Variants in YDJC observed in about 807,000 individuals in gnomAD.
The protein encoded by YDJC is carbohydrate deacetylase.
A neutral mutation model predicts 18.9 loss-of-function variants in YDJC; 23 were observed. That is an observed-to-expected ratio of 1.22 (90% CI 0.87 to 1.72). The LOEUF is 1.72. YDJC is among the 40% of genes most tolerant of loss of function. The pLI is 0.00. For missense variants in YDJC, 467 were observed against 470.8 expected, an observed-to-expected ratio of 0.99 and a Z score of 0.07; for synonymous variants, 224 against 217.6, an observed-to-expected ratio of 1.03 and a Z score of -0.26.
chr22:21,629,112 A>G lies in YDJC; in HGVS notation c.500T>C (p.Val167Ala), dbSNP rs1416545735. Reference protein sequence around the residue: ...RFTRLPLERGVGGCTWLEAPA... With the variant: ...RFTRLPLERGAGGCTWLEAPA... ...GGCCTCCAGCCAAGTGCAGCCACCC[A>G]CACCGCGCTCCAGCGGCAGTCGCGT... Residue 167 changes from valine (V) to alanine (A), a missense_variant, in exon 4 of 5, where the codon GTG (valine) becomes GCG (alanine). Physicochemically the swap from Val to Ala is moderately conservative, Grantham distance 64. Coordinates refer to ENST00000292778, the MANE Select transcript of YDJC (RefSeq NM_001017964.2). The G allele has an allele frequency of 2.0e-6, 3 of 1,537,632 alleles. No homozygotes were observed. Among genetic ancestry groups the G allele is most frequent in the African/African-American group, 2.7e-5 (2 of 72,984 alleles).
Position 21,628,218 on chromosome 22 carries a change from G to T in YDJC, c.*200C>A. On this transcript the variant is annotated 3_prime_UTR_variant, in exon 5 of 5. Coordinates refer to ENST00000292778, the MANE Select transcript of YDJC (RefSeq NM_001017964.2). ...GCCCTAGCCCGCTGCCACAGGCTAG[G>T]CCTGCCTGCAGCCAAGAAGGCTGCT... 1.4e-6 allele frequency: 1 copy of T among 705,420 alleles called. No individual in the cohort carries two copies. Among genetic ancestry groups the T allele is most frequent in the Non-Finnish European group, 2.1e-6 (1 of 478,602 alleles). The allele number at this position is 705,420 out of a possible 1,614,324, so 43.7% of individuals were successfully genotyped here.
chr22:21,628,670 G>T lies in YDJC; in HGVS notation c.720C>A (p.Ala240=). Reference sequence around the variant, plus strand: ...GGTAGCCGGGGTGCGCCATCAGCTCGGCTGTCAGGGTGTGGCCCGCTAGGG... The same window carrying T: ...GGTAGCCGGGGTGCGCCATCAGCTCTGCTGTCAGGGTGTGGCCCGCTAGGG... ...EGTLAGHTLT[A]ELMAHPGYPS... The change falls in exon 5 of 5, where the codon GCC becomes GCA. Residue 240 remains alanine, a synonymous_variant. Coordinates refer to ENST00000292778, the MANE Select transcript of YDJC (RefSeq NM_001017964.2). 6.4e-7 allele frequency: 1 copy of T among 1,566,944 alleles called. No individual in the cohort carries two copies. Among genetic ancestry groups the T allele is most frequent in the Admixed American group, 1.9e-5 (1 of 53,456 alleles).
chr22:21,629,784 AGCACTAGCG>A, intron 1 of YDJC, 23 bp from the exon 2 acceptor site: 1 of 1,471,212 alleles, frequency 6.8e-7, no homozygotes, highest in Non-Finnish European at 9.0e-7. Flanking sequence ...CGCGAGCTGG[AGCACTAGCG>A]GCCGCGGAGC....
chr22:21,628,962 C>T (rs1423519254), intron 4 of YDJC, 48 bp downstream of exon 4: 1 of 1,441,056 alleles, frequency 6.9e-7, no homozygotes, highest in African/African-American at 1.4e-5. Flanking sequence ...ACAGCCAGTG[C>T]GGAGGGACAG....
chr22:21,628,569 A>C lies in YDJC; in HGVS notation c.821T>G (p.Leu274Arg). Residue 274 changes from leucine to arginine, a missense_variant, in exon 5 of 5, where the codon CTG (leucine) becomes CGG (arginine). By Grantham distance (102) the Leu-to-Arg change is moderately radical. Transcript: ENST00000292778. The part of the protein sequence containing the change: ...FSCSWERLHE[L>R]RVLTAPTLRA... ...CAGCGTGGGCGCGGTGAGGACGCGC[A>C]GCTCATGCAGCCGCTCCCAAGAGCA... The C allele has an allele frequency of 6.2e-7, 1 of 1,609,434 alleles. No individual in the cohort carries two copies. Among genetic ancestry groups the C allele is most frequent in the Non-Finnish European group, 8.5e-7 (1 of 1,177,648 alleles).
intron 2 of YDJC, 65 bp downstream of exon 2, chr22:21,629,537 C>A: frequency 6.2e-7 from 1 of 1,607,862 alleles, no homozygotes; most frequent in Non-Finnish European, 8.5e-7. Flanking sequence ...AACGGCCTCA[C>A]AGTACCCTCC....
rs1308774543 is a variant in YDJC at position 21,629,378 on chromosome 22, G to C, written c.354C>G (p.Ser118Arg). Reference protein sequence around the residue: ...QVREELEAQLSCFRELLGRAP... With the variant: ...QVREELEAQLRCFRELLGRAP... Reference sequence around the variant, plus strand: ...CCCTGCCCAGCAGCTCCCGGAAGCAGCTTAGTTGGGCCTCGAGCTCCTCCC... The same window carrying C: ...CCCTGCCCAGCAGCTCCCGGAAGCACCTTAGTTGGGCCTCGAGCTCCTCCC... Residue 118 changes from serine (S) to arginine (R), a missense_variant, in exon 3 of 5, where the codon AGC (serine) becomes AGG (arginine). Coordinates refer to ENST00000292778, the MANE Select transcript of YDJC (RefSeq NM_001017964.2). 2 of 1,549,198 alleles carry C rather than the reference G, an allele frequency of 1.3e-6. No individual in the cohort carries two copies. The highest frequency in any genetic ancestry group is 1.4e-5 in the African/African-American group (1 of 73,072).
rs974224833 is a variant in YDJC at position 21,629,185 on chromosome 22, C to A, written c.427G>T (p.Val143Leu). The A allele has an allele frequency of 6.5e-7, 1 of 1,543,136 alleles. No homozygotes were observed. Among genetic ancestry groups the A allele is most frequent in the Non-Finnish European group, 8.7e-7 (1 of 1,145,772 alleles). Residue 143 changes from valine (V) to leucine (L), a missense_variant and splice_region_variant, in exon 4 of 5, where the codon GTG (valine) becomes TTG (leucine). By Grantham distance (32) the Val-to-Leu change is conservative. Transcript: ENST00000292778. Reference protein sequence around the residue: ...GHQHVHVLPGVCQVFAEALQA... With the variant: ...GHQHVHVLPGLCQVFAEALQA... ...AGCGCCTCGGCGAACACCTGGCACA[C>A]GCCTGCGGGCGGAGCGGGTCAGGGA...
rs1411752695 is a variant in YDJC at position 21,629,377 on chromosome 22, A to C, written c.355T>G (p.Cys119Gly). 6.5e-7 allele frequency: 1 copy of C among 1,549,380 alleles called. No individual in the cohort carries two copies. Among genetic ancestry groups the C allele is most frequent in the African/African-American group, 1.4e-5 (1 of 73,052 alleles). The change falls in exon 3 of 5, where the codon TGC (cysteine) becomes GGC (glycine). Residue 119 changes from cysteine to glycine, a missense_variant. By Grantham distance (159) the Cys-to-Gly change is radical (BLOSUM62 -3). Coordinates refer to ENST00000292778, the MANE Select transcript of YDJC (RefSeq NM_001017964.2). ...GCCCTGCCCAGCAGCTCCCGGAAGC[A>C]GCTTAGTTGGGCCTCGAGCTCCTCC... The part of the protein sequence containing the change: ...VREELEAQLS[C>G]FRELLGRAPT...
chr22:21,629,487 T>G (rs1304978964), intron 2 of YDJC, 80 bp from the exon 3 acceptor site: 8 of 1,555,948 alleles, frequency 5.1e-6, no homozygotes, highest in Non-Finnish European at 6.1e-6. Context: ...GTGTGATGGC[T>G]CCAGTGTTTG....
Position 21,628,649 on chromosome 22 carries a change from G to T in YDJC, c.741C>A (p.Gly247=). The change falls in exon 5 of 5, where the codon GGC becomes GGA. Residue 247 remains glycine, a synonymous_variant. Coordinates refer to ENST00000292778, the MANE Select transcript of YDJC (RefSeq NM_001017964.2). ...CGCCGGTGGGAGGCACACTGGGGTA[G>T]CCGGGGTGCGCCATCAGCTCGGCTG... ...TLTAELMAHP[G]YPSVPPTGGC... is the part of the protein sequence containing the mutation. The T allele has an allele frequency of 1.3e-6, 2 of 1,581,322 alleles. No individual in the cohort carries two copies.
intron 2 of YDJC, 33 bp from the exon 3 acceptor site, chr22:21,629,440 C>T (rs1004261822): frequency 6.5e-7 from 1 of 1,538,530 alleles, no homozygotes. Context: ...CTTGAGCGAC[C>T]GGGAGTAGCT....
chr22:21,628,567 G>A lies in YDJC; in HGVS notation c.823C>T (p.Arg275Cys). The change falls in exon 5 of 5, where the codon CGC becomes TGC. Residue 275 changes from arginine to cysteine, a missense_variant. Physicochemically the swap from Arg to Cys is radical, Grantham distance 180 (BLOSUM62 -3). Transcript: ENST00000292778. The stretch of plus-strand genomic sequence containing the variant: ...CGCAGCGTGGGCGCGGTGAGGACGC[G>A]CAGCTCATGCAGCCGCTCCCAAGAG... ...SCSWERLHEL[R>C]VLTAPTLRAQ... is the part of the protein sequence containing the mutation. 6.2e-7 allele frequency: 1 copy of A among 1,609,332 alleles called. No homozygotes were observed. Among genetic ancestry groups the A allele is most frequent in the Non-Finnish European group, 8.5e-7 (1 of 1,177,638 alleles).
rs1205493135 is a variant in YDJC, at chr22:21,628,629, GTGGGAGGCACAC to G, written c.749_760del (p.Ser250_Pro253del). 2 of 1,591,486 alleles carry G rather than the reference GTGGGAGGCACAC, an allele frequency of 1.3e-6. No individual in the cohort carries two copies. Among genetic ancestry groups the G allele is most frequent in the East Asian group, 4.6e-5 (2 of 43,574 alleles). On this transcript the variant is annotated inframe_deletion, in exon 5 of 5. Transcript: ENST00000292778. ...GTCGGGGCCTTCACCGCAGCCGCCG[GTGGGAGGCACAC>G]TGGGGTAGCCGGGGTGCGCCATCAG...
In YDJC at chr22:21,629,048, G is replaced by A; in HGVS notation, c.564C>T (p.Ala188=). Residue 188 remains alanine (A), a synonymous_variant, in exon 4 of 5, where the codon GCC becomes GCT. Coordinates refer to ENST00000292778, the MANE Select transcript of YDJC (RefSeq NM_001017964.2). ...GGGAGAAGGGGCCCACGGCGGCCCG[G>A]GCGTCGCGCTCCACGGCGCAGGCGA... ...RAFACAVERD[A]RAAVGPFSRH... 1.3e-6 allele frequency: 2 copies of A among 1,510,848 alleles called. No homozygotes were observed. Among genetic ancestry groups the A allele is most frequent in the Middle Eastern group, 1.8e-4 (1 of 5,608 alleles). The allele number at this position is 1,510,848 out of a possible 1,614,324, so 93.6% of individuals were successfully genotyped here.
rs765698797 is a variant in YDJC, at chr22:21,628,415, G to T, written c.*3C>A. The T allele has an allele frequency of 8.5e-6, 13 of 1,533,280 alleles. No individual in the cohort carries two copies. The highest frequency in any genetic ancestry group is 1.1e-5 in the Non-Finnish European group (13 of 1,136,530). 95.0% of individuals were successfully genotyped at this position (1,533,280 alleles called of 1,614,324 possible). Reference sequence around the variant, plus strand: ...GGATTAGTGCTTGGTTGTCTGTAGGGGGTCAGAGTAGGGAGGGTTCCAGGA... The same window carrying T: ...GGATTAGTGCTTGGTTGTCTGTAGGTGGTCAGAGTAGGGAGGGTTCCAGGA... On this transcript the variant is annotated 3_prime_UTR_variant, in exon 5 of 5. Coordinates refer to ENST00000292778, the MANE Select transcript of YDJC (RefSeq NM_001017964.2).
chr22:21,628,524 T>A lies in YDJC; in HGVS notation c.866A>T (p.Asp289Val). The A allele has an allele frequency of 1.2e-6, 2 of 1,612,344 alleles. No homozygotes were observed. The highest frequency in any genetic ancestry group is 1.7e-6 in the Non-Finnish European group (2 of 1,179,098). ...APTLRAQLAQDGVQLCALDDL... is the reference protein window; with the variant it reads ...APTLRAQLAQVGVQLCALDDL... ...GTCGAGGGCGCAAAGCTGCACGCCATCCTGGGCAAGCTGGGCCCGCAGCGT... is the reference window on the plus strand; with the variant it reads ...GTCGAGGGCGCAAAGCTGCACGCCAACCTGGGCAAGCTGGGCCCGCAGCGT... The change falls in exon 5 of 5, where the codon GAT (aspartate) becomes GTT (valine). Residue 289 changes from aspartate to valine, a missense_variant. Physicochemically the swap from Asp to Val is radical, Grantham distance 152. Transcript: ENST00000292778.
In YDJC at chr22:21,629,171, G is replaced by T; in HGVS notation, c.441C>A (p.Phe147Leu). The change falls in exon 4 of 5, where the codon TTC becomes TTA. Residue 147 changes from phenylalanine to leucine, a missense_variant. Phe to Leu is a conservative substitution (Grantham distance 22). Coordinates refer to ENST00000292778, the MANE Select transcript of YDJC (RefSeq NM_001017964.2). ...VHVLPGVCQV[F>L]AEALQAYGVR... ...CCCCATAGGCCTGCAGCGCCTCGGCGAACACCTGGCACACGCCTGCGGGCG... is the reference window on the plus strand; with the variant it reads ...CCCCATAGGCCTGCAGCGCCTCGGCTAACACCTGGCACACGCCTGCGGGCG... 1.3e-6 allele frequency: 2 copies of T among 1,542,404 alleles called. No homozygotes were observed. The highest frequency in any genetic ancestry group is 2.4e-5 in the East Asian group (1 of 40,884).
chr22:21,628,793 G>A lies in YDJC; in HGVS notation c.603-6C>T, dbSNP rs919885703. 5 of 1,472,134 alleles carry A rather than the reference G, an allele frequency of 3.4e-6. No individual in the cohort carries two copies. The highest frequency in any genetic ancestry group is 4.5e-6 in the Non-Finnish European group (5 of 1,109,356). The allele number at this position is 1,472,134 out of a possible 1,614,324, so 91.2% of individuals were successfully genotyped here. On this transcript the variant is annotated splice_region_variant and splice_polypyrimidine_tract_variant and intron_variant, in intron 4 of 4. Coordinates refer to ENST00000292778, the MANE Select transcript of YDJC (RefSeq NM_001017964.2). ...CCACGAAGGCGTCTGTCCACCTGTG[G>A]GGGGCGGGACATCAGAGGTGGGACC...
Sources: gnomAD v4.1 joint callset for allele counts on GRCh38, gnomAD v4.1.1 for gene constraint, MANE v1.5 for transcripts, NCBI Gene and HGNC (gene_info 2026-07-23, HGNC 2026-07-21) for gene names.